Variants in ADAMTS2 observed in about 807,000 individuals in gnomAD.
ADAMTS2 encodes the protein ADAM metallopeptidase with thrombospondin type 1 motif 2.
In ADAMTS2, 50 loss-of-function variants were observed where a neutral mutation model predicts 123.0. That is an observed-to-expected ratio of 0.41 (90% CI 0.32 to 0.51). ADAMTS2 has a LOEUF of 0.51. ADAMTS2 is among the 20% of genes least tolerant of loss of function. The probability of loss-of-function intolerance (pLI) is 0.35; values close to 1 mark genes in which losing one functional copy is unlikely to be tolerated. For synonymous variants in ADAMTS2, 678 were observed against 695.4 expected (o/e 0.98, Z 0.39); for missense variants, 1,494 against 1,705.2 (o/e 0.88, Z 2.18).
chr5:179,150,242 CT>C (rs56733204), intron 10 of ADAMTS2, among the ~76,000 whole-genome samples: 1,679 of 152,296 alleles, frequency 0.011, 35 homozygotes, highest in African/African-American at 0.038. Context: ...CTTAGCTGGC[CT>C]TGTTCTCCAA....
At chr5:179,344,762 C>T (rs1205247061) in intron 1 of ADAMTS2, among the ~76,000 whole-genome samples, 1 of 152,220 alleles carries the variant, frequency 6.6e-6, no homozygotes, top group Non-Finnish European at 1.5e-5. Flanking sequence ...CTCCGATCTC[C>T]GGGGATTCCC....
chr5:179,120,809 AGGTG>A (rs1258268399), intron 21 of ADAMTS2: 1 of 152,188 alleles, frequency 6.6e-6, no homozygotes, highest in African/African-American at 2.4e-5. Context: ...CCTTGGCAAA[AGGTG>A]GATGAACGCA....
rs1226928425 is a variant in ADAMTS2 at position 179,262,831 on chromosome 5, G to A, written c.688+10080C>T. 5.3e-5 allele frequency among the ~76,000 whole-genome samples: 8 copies of A among 152,260 alleles called. No homozygotes were observed. The highest frequency in any genetic ancestry group is 2.1e-4 in the South Asian group (1 of 4,836). ...AACAGGGACTCGATCGGGTTCCTCC[G>A]CTGCTACAGCCCCAGCACCCAGTCC... is the stretch of plus-strand genomic sequence containing the variant. On this transcript the variant is annotated intron_variant, in intron 3 of 21. Coordinates refer to ENST00000251582, the MANE Select transcript of ADAMTS2 (RefSeq NM_014244.5). This position sits in a 1 kb window ranked among gnomAD's most constrained non-coding sequence, Gnocchi z 5.9.
Position 179,112,509 on chromosome 5 carries a change from T to G in ADAMTS2, c.*1358A>C, listed in dbSNP as rs924439638. On this transcript the variant is annotated 3_prime_UTR_variant, in exon 22 of 22. Coordinates refer to ENST00000251582, the MANE Select transcript of ADAMTS2 (RefSeq NM_014244.5). Reference sequence around the variant, plus strand: ...TGGAAAATAGGAGCTATTAAAGTTTTCAAGGAGCAAAAGACAATGTAGGCT... The same window carrying G: ...TGGAAAATAGGAGCTATTAAAGTTTGCAAGGAGCAAAAGACAATGTAGGCT... The G allele has an allele frequency of 2.6e-5, 4 of 152,170 alleles. No individual in the cohort carries two copies. The highest frequency in any genetic ancestry group is 1.3e-4 in the Admixed American group (2 of 15,276). 9.4% of individuals were successfully genotyped at this position (152,170 alleles called of 1,614,324 possible). A position where few individuals can be genotyped will look rare whatever the true frequency, so the allele number is the denominator to read the frequency against.
intron 2 of ADAMTS2, among the ~76,000 whole-genome samples, chr5:179,298,256 C>G (rs458608): frequency 6.6e-6 from 1 of 152,270 alleles, no homozygotes; most frequent in African/African-American, 2.4e-5. Context: ...TGTGGCAGGC[C>G]TGGCCCTGCC....
chr5:179,336,178 T>C (rs544940580), intron 2 of ADAMTS2, among the ~76,000 whole-genome samples: 28 of 152,316 alleles, frequency 1.8e-4, no homozygotes, highest in African/African-American at 6.5e-4. Context: ...GCCCCGGCCC[T>C]GGCCCCCGCC....
intron 17 of ADAMTS2, among the ~76,000 whole-genome samples, chr5:179,126,999 AC>A (rs1437522808): frequency 6.6e-6 from 1 of 152,242 alleles, no homozygotes. Context: ...AGTTGCCCCA[AC>A]CCTGGAGGCC....
intron 3 of ADAMTS2, among the ~76,000 whole-genome samples, chr5:179,246,732 G>A (rs113225703): frequency 6.6e-5 from 10 of 152,318 alleles, no homozygotes; most frequent in African/African-American, 2.2e-4. Context: ...CTACAAAGAC[G>A]AGGAGAGTAT....
rs117135153 is a variant in ADAMTS2, at chr5:179,268,949, C to T, written c.688+3962G>A. ...GGATCCTGATCCCTGCAACCTGAGA[C>T]GGGTACCTTCTATGGGAAGAAAGGG... On this transcript the variant is annotated intron_variant, in intron 3 of 21. Transcript: ENST00000251582. Among the ~76,000 whole-genome samples the T allele has an allele frequency of 3.0e-4, 46 of 152,350 alleles. No homozygotes were observed. The East Asian group carries it at 5.4e-3, about 18-fold the overall frequency.
chr5:179,144,800 G>C (rs1763226384), intron 10 of ADAMTS2, among the ~76,000 whole-genome samples: 4 of 152,172 alleles, frequency 2.6e-5, no homozygotes, highest in Admixed American at 6.5e-5. Context: ...ATAAAACATA[G>C]GAGTAAATCT....
chr5:179,208,877 C>G (rs1166372375), intron 3 of ADAMTS2, among the ~76,000 whole-genome samples: 10 of 152,210 alleles, frequency 6.6e-5, no homozygotes, highest in African/African-American at 2.4e-4. Flanking sequence ...GGCTGCAGGT[C>G]ATCGTGACAT....
intron 3 of ADAMTS2, among the ~76,000 whole-genome samples, chr5:179,252,747 A>C (rs2113471715): frequency 6.6e-6 from 1 of 152,270 alleles, no homozygotes; most frequent in Non-Finnish European, 1.5e-5. Context: ...TCAGATGCAA[A>C]ATTCATCAAT....
intron 3 of ADAMTS2, among the ~76,000 whole-genome samples, chr5:179,235,969 C>T (rs1458824273): frequency 2.0e-5 from 3 of 152,230 alleles, no homozygotes; most frequent in Admixed American, 1.3e-4. Context: ...GTCCCAGGTG[C>T]CCTCCTGGTC....
chr5:179,195,261 T>G (rs1301943892), intron 4 of ADAMTS2, among the ~76,000 whole-genome samples: 10 of 152,202 alleles, frequency 6.6e-5, no homozygotes, highest in Admixed American at 5.9e-4. Flanking sequence ...CGTGCTCTAC[T>G]GAGCACTTTC....
rs956805585 is a variant in ADAMTS2, at chr5:179,262,555, T to C, written c.688+10356A>G. On this transcript the variant is annotated intron_variant, in intron 3 of 21. Coordinates refer to ENST00000251582, the MANE Select transcript of ADAMTS2 (RefSeq NM_014244.5). This position sits in a 1 kb window ranked among gnomAD's most constrained non-coding sequence, Gnocchi z 5.9. ...CCATTACGTCCTCAGTTCCAGGTAC[T>C]AGCTCTTCCTTCTGCCCCTTGGTCA... 2.6e-4 allele frequency among the ~76,000 whole-genome samples: 40 copies of C among 152,124 alleles called. No individual in the cohort carries two copies. Among genetic ancestry groups the C allele is most frequent in the African/African-American group, 9.4e-4 (39 of 41,412 alleles).
intron 5 of ADAMTS2, among the ~76,000 whole-genome samples, chr5:179,176,521 G>A (rs930019205): frequency 6.6e-6 from 1 of 152,160 alleles, no homozygotes; most frequent in Admixed American, 6.5e-5. Flanking sequence ...CTACCCAGCT[G>A]AGAGTCTCTC....
At chr5:179,253,945 C>T (rs1475348488) in intron 3 of ADAMTS2, among the ~76,000 whole-genome samples, 1 of 152,226 alleles carries the variant, frequency 6.6e-6, no homozygotes, top group African/African-American at 2.4e-5. Flanking sequence ...GTGTCCTGCA[C>T]TACTCCACAT....
Position 179,317,873 on chromosome 5 carries a change from T to G in ADAMTS2, c.534+25894A>C, listed in dbSNP as rs1249020609. Among the ~76,000 whole-genome samples the G allele has an allele frequency of 6.6e-6, 1 of 151,930 alleles. No individual in the cohort carries two copies. The highest frequency in any genetic ancestry group is 1.5e-5 in the Non-Finnish European group (1 of 67,950). ...CCACAGTGAGGGAGGGAGGCAGGTG[T>G]AGACTGGGCCAGGGAAAGGTTCTGG... On this transcript the variant is annotated intron_variant, in intron 2 of 21. Transcript: ENST00000251582. The surrounding 1 kb of genome is among the most constrained non-coding windows in gnomAD (Gnocchi z 4.9).
intron 2 of ADAMTS2, among the ~76,000 whole-genome samples, chr5:179,273,461 TC>T (rs1766602910): frequency 6.6e-6 from 1 of 151,932 alleles, no homozygotes; most frequent in African/African-American, 2.4e-5. Flanking sequence ...CTGCCCCCAC[TC>T]CCAGGAGCCC....
Sources: gnomAD v4.1 joint callset for allele counts (sites outside exome capture counted in the v4.1 genomes callset) on GRCh38, gnomAD v4.1.1 for gene constraint, Gnocchi (gnomAD v3.1) non-coding constraint, MANE v1.5 for transcripts, NCBI Gene and HGNC (gene_info 2026-07-23, HGNC 2026-07-21) for gene names.